Variants in DNAH10 observed in about 807,000 individuals in gnomAD.
DNAH10 encodes axonemal beta dynein heavy chain 10.
A neutral mutation model predicts 506.6 loss-of-function variants in DNAH10; 348 were observed. That is an observed-to-expected ratio of 0.69 (90% CI 0.63 to 0.75). The LOEUF (loss-of-function observed/expected upper bound fraction) is 0.75. DNAH10 is among the 30% of genes least tolerant of loss of function. DNAH10 has a pLI of 0.00. For synonymous variants in DNAH10, 2,059 were observed against 2,198.6 expected (o/e 0.94, Z 1.78); for missense variants, 5,179 against 5,787.1 (o/e 0.89, Z 3.41).
At chr12:123,894,100 T>C in intron 53 of DNAH10, among the ~76,000 whole-genome samples, 1 of 135,936 alleles carries the variant, frequency 7.4e-6, no homozygotes, top group East Asian at 2.0e-4. Flanking sequence ...TTTTTTTTTT[T>C]TTTTTTTTGA....
chr12:123,933,923 T>C (rs889909483), intron 77 of DNAH10: 11 of 437,660 alleles, frequency 2.5e-5, no homozygotes, highest in Non-Finnish European at 3.6e-5. Context: ...ATGCCAGAAC[T>C]TCAGGTCCCT....
At chr12:123,843,595 T>C (rs1276346670) in intron 30 of DNAH10, among the ~76,000 whole-genome samples, 1 of 152,068 alleles carries the variant, frequency 6.6e-6, no homozygotes, top group African/African-American at 2.4e-5. Flanking sequence ...ATTTATTTAT[T>C]GAGACAGAGT....
At chr12:123,834,630 T>C (rs1960940198) in intron 27 of DNAH10, among the ~76,000 whole-genome samples, 2 of 152,212 alleles carry the variant, frequency 1.3e-5, no homozygotes, top group Non-Finnish European at 2.9e-5. Flanking sequence ...ATTCCAGATT[T>C]TCATCAAACC....
intron 18 of DNAH10, among the ~76,000 whole-genome samples, chr12:123,805,773 CTT>C (rs779610748): frequency 2.1e-4 from 29 of 138,638 alleles, no homozygotes; most frequent in African/African-American, 2.1e-4. Context: ...CTCTTCTTTT[CTT>C]TTTTTTTTTT....
intron 50 of DNAH10, 27 bp from the exon 51 acceptor site, chr12:123,881,598 G>C (rs1952508467): frequency 6.7e-7 from 1 of 1,486,842 alleles, no homozygotes; most frequent in South Asian, 1.3e-5. Context: ...GCTGGGTTTT[G>C]AATTCTTTTT....
At chr12:123,847,044 AT>A (rs1950972375) in intron 32 of DNAH10, among the ~76,000 whole-genome samples, 1 of 152,126 alleles carries the variant, frequency 6.6e-6, no homozygotes, top group Admixed American at 6.5e-5. Context: ...CCAATAGGAC[AT>A]AGCTAGCTAG....
chr12:123,888,506 G>A (rs1202129267), intron 52 of DNAH10, among the ~76,000 whole-genome samples: 3 of 152,174 alleles, frequency 2.0e-5, no homozygotes, highest in South Asian at 2.1e-4. Flanking sequence ...TTGAGACACA[G>A]AGAATAAGGT....
At chr12:123,873,421 A>C in intron 45 of DNAH10, 137 bp from the exon 46 acceptor site, 2 of 924,688 alleles carry the variant, frequency 2.2e-6, no homozygotes, top group South Asian at 3.7e-5. Context: ...AATGAAGCAC[A>C]GTCTCACACT....
At chr12:123,859,321 A>G (rs1951526405) in intron 38 of DNAH10, 53 bp downstream of exon 38, 2 of 1,395,232 alleles carry the variant, frequency 1.4e-6, no homozygotes, top group Admixed American at 6.1e-5. Context: ...CTCACAGTAT[A>G]TGTTTGGTGC....
intron 76 of DNAH10, among the ~76,000 whole-genome samples, 172 bp downstream of exon 76, chr12:123,932,280 T>C (rs1955250754): frequency 6.6e-6 from 1 of 152,218 alleles, no homozygotes; most frequent in Admixed American, 6.5e-5. Context: ...CTTTTGTTTT[T>C]CCTTTTCTTT....
intron 7 of DNAH10, among the ~76,000 whole-genome samples, chr12:123,783,601 G>A (rs974458165): frequency 2.0e-5 from 3 of 152,206 alleles, no homozygotes; most frequent in African/African-American, 7.2e-5. Context: ...TTGGCTTCAG[G>A]TCCAGTCTGA....
At position 123,909,855 on chromosome 12, in the gene DNAH10, G is replaced by A. The variant is rs888323872; in HGVS notation, c.9997+413G>A. On this transcript the variant is annotated intron_variant, in intron 58 of 78. Coordinates refer to ENST00000673944, the MANE Select transcript of DNAH10 (RefSeq NM_001372106.1). The surrounding 1 kb of genome is among the most constrained non-coding windows in gnomAD (Gnocchi z 5.4). ...TCTTGTCAGTGTCAAGTCTTCTGGA[G>A]GTCCCTGGGGAGTGGGCATGGGGGT... 2.0e-5 allele frequency among the ~76,000 whole-genome samples: 3 copies of A among 152,178 alleles called. No individual in the cohort carries two copies. Among genetic ancestry groups the A allele is most frequent in the East Asian group, 1.9e-4 (1 of 5,190 alleles).
At chr12:123,900,399 T>C (rs1953465098) in intron 56 of DNAH10, among the ~76,000 whole-genome samples, 1 of 152,132 alleles carries the variant, frequency 6.6e-6, no homozygotes, top group African/African-American at 2.4e-5. Context: ...GAGTGGGGGC[T>C]AGAAACCGAA....
Position 123,796,809 on chromosome 12 carries a change from C to G in DNAH10, c.2140C>G (p.Leu714Val). 1 of 1,612,406 alleles carries G rather than the reference C, an allele frequency of 6.2e-7. No individual in the cohort carries two copies. The highest frequency in any genetic ancestry group is 8.5e-7 in the Non-Finnish European group (1 of 1,179,556). ...CCGATTTCAAGAGGTACAAGAGATA[C>G]TGGACAGTGATCGAGGACAGGAGGT... ...ILRFQEVQEI[L>V]DSDRGQEVKQ... is the part of the protein sequence containing the mutation. The change falls in exon 13 of 79, where the codon CTG becomes GTG. Residue 714 changes from leucine to valine, a missense_variant. Leu to Val is a conservative substitution (Grantham distance 32). Transcript: ENST00000673944.
Position 123,894,707 on chromosome 12 carries a change from C to T in DNAH10, c.9264C>T (p.Val3088=), listed in dbSNP as rs201012330. The change falls in exon 54 of 79, where the codon GTC becomes GTT. Residue 3088 remains valine (V), a synonymous_variant. Transcript: ENST00000673944. The part of the protein sequence containing the change: ...MPWPPQALHA[V]AKSFLGYNPM... ...GGCCTCCCCAAGCCCTCCATGCGGT[C>T]GCAAAGTCCTTTCTAGGTAAGTCAC... is the stretch of plus-strand genomic sequence containing the variant. 12 of 1,613,946 alleles carry T rather than the reference C, an allele frequency of 7.4e-6. No individual in the cohort carries two copies. The highest frequency in any genetic ancestry group is 6.7e-5 in the East Asian group (3 of 44,886).
At chr12:123,923,907 C>T in intron 66 of DNAH10, 40 bp downstream of exon 66, 1 of 1,401,138 alleles carries the variant, frequency 7.1e-7, no homozygotes, top group Non-Finnish European at 9.9e-7. Context: ...CATCTCCTTG[C>T]CCACATGATA....
intron 56 of DNAH10, among the ~76,000 whole-genome samples, chr12:123,899,196 C>G (rs760886837): frequency 1.3e-5 from 2 of 152,116 alleles, no homozygotes; most frequent in African/African-American, 2.4e-5. Context: ...GTTCTTGAAG[C>G]TGTTTCAAGG....
chr12:123,826,956 T>C lies in DNAH10; in HGVS notation c.4391+58T>C, dbSNP rs1013111324. ...GTGTGGGAGGAGCTTTTAGTTAAAA[T>C]TGTTTCCCTCAGTACATTATCTTTG... On this transcript the variant is annotated intron_variant, in intron 25 of 78. Coordinates refer to ENST00000673944, the MANE Select transcript of DNAH10 (RefSeq NM_001372106.1). 20 of 1,491,902 alleles carry C rather than the reference T, an allele frequency of 1.3e-5. No homozygotes were observed. In the African/African-American group the frequency reaches 2.7e-4, roughly 20 times the overall value. The allele number at this position is 1,491,902 out of a possible 1,614,324, so 92.4% of individuals were successfully genotyped here. A position where few individuals can be genotyped will look rare whatever the true frequency, so the allele number is the denominator to read the frequency against.
intron 40 of DNAH10, 125 bp from the exon 41 acceptor site, chr12:123,865,826 G>A: frequency 1.1e-6 from 1 of 921,376 alleles, no homozygotes; most frequent in Non-Finnish European, 1.5e-6. Flanking sequence ...CATGGAAGCT[G>A]TGTTGATTTT....
Sources: gnomAD v4.1 joint callset for allele counts (sites outside exome capture counted in the v4.1 genomes callset) on GRCh38, gnomAD v4.1.1 for gene constraint, Gnocchi (gnomAD v3.1) non-coding constraint, MANE v1.5 for transcripts, NCBI Gene and HGNC (gene_info 2026-07-23, HGNC 2026-07-21) for gene names.